GPBP1: variants seen among roughly 807,000 people sequenced by gnomAD.
The protein encoded by GPBP1 is GC-rich promoter binding protein 1.
Under a neutral mutation model 56.5 loss-of-function variants are expected in GPBP1, and 13 were observed. The ratio of observed to expected loss-of-function variants is 0.23; its 90% CI spans 0.15 to 0.37. The LOEUF (loss-of-function observed/expected upper bound fraction) is 0.37, where lower values mean the gene tolerates loss of function less well. Ranked by LOEUF, GPBP1 falls within the 10% of genes least tolerant of loss-of-function variation. GPBP1 has a pLI of 1.00. For synonymous variants in GPBP1, 204 were observed against 188.9 expected (o/e 1.08, Z -0.66); for missense variants, 477 against 572.3 (o/e 0.83, Z 1.70).
In GPBP1 at chr5:57,263,263, T is replaced by C. The variant is rs575828324; in HGVS notation, c.*511T>C. The C allele has an allele frequency of 1.3e-5, 2 of 152,584 alleles. No homozygotes were observed. Among genetic ancestry groups the C allele is most frequent in the South Asian group, 4.1e-4 (2 of 4,834 alleles). The allele number at this position is 152,584 out of a possible 1,614,324, so 9.5% of individuals were successfully genotyped here. A position where few individuals can be genotyped will look rare whatever the true frequency, so the allele number is the denominator to read the frequency against. On this transcript the variant is annotated 3_prime_UTR_variant, in exon 12 of 12. Coordinates refer to ENST00000506184, the MANE Select transcript of GPBP1 (RefSeq NM_022913.4). Reference sequence around the variant, plus strand: ...AAACCAAAAAGGAAAATGTAGCATGTTGGCTAAAACTGGAGCAAAGTGCAC... The same window carrying C: ...AAACCAAAAAGGAAAATGTAGCATGCTGGCTAAAACTGGAGCAAAGTGCAC...
intron 2 of GPBP1, among the ~76,000 whole-genome samples, chr5:57,178,410 A>G (rs976281865): frequency 6.6e-6 from 1 of 151,930 alleles, no homozygotes; most frequent in Non-Finnish European, 1.5e-5. Context: ...ACGCCCAGCT[A>G]ATTTTTTGTA....
chr5:57,229,968 G>GTCCCGTCCCT (rs928682604), intron 3 of GPBP1, among the ~76,000 whole-genome samples: 2 of 147,486 alleles, frequency 1.4e-5, no homozygotes, highest in African/African-American at 5.2e-5. Context: ...GTCCCGTCCC[G>GTCCCGTCCCT]TCCCTTCTCA....
In GPBP1 at chr5:57,199,524, C is replaced by A. The variant is rs764784163; in HGVS notation, c.-57-14550C>A. Among the ~76,000 whole-genome samples, 3 of 151,816 alleles carry A rather than the reference C, an allele frequency of 2.0e-5. No individual in the cohort carries two copies. In the South Asian group the frequency reaches 6.2e-4, roughly 32 times the overall value. On this transcript the variant is annotated intron_variant, in intron 2 of 11. Transcript: ENST00000506184. ...CCTTTAACACATTGCTACCAGATTT[C>A]TTTTCTTTTCTTTTTATATATATAT...
At chr5:57,216,679 C>CT (rs948350518) in intron 3 of GPBP1, among the ~76,000 whole-genome samples, 10 of 152,058 alleles carry the variant, frequency 6.6e-5, no homozygotes, top group African/African-American at 2.4e-4. Context: ...GAGTGAGACT[C>CT]TGTCTCAAAA....
At position 57,177,648 on chromosome 5, in the gene GPBP1, C is replaced by CTTTTTTTTT. The variant is rs58708281; in HGVS notation, c.-58+1270_-58+1278dup. Among the ~76,000 whole-genome samples, 32 of 92,236 alleles carry CTTTTTTTTT rather than the reference C, an allele frequency of 3.5e-4. 1 individual carries two copies. Among genetic ancestry groups the CTTTTTTTTT allele is most frequent in the African/African-American group, 4.7e-4 (10 of 21,138 alleles). 60.5% of individuals were successfully genotyped at this position (92,236 alleles called of 152,430 possible). A position where few individuals can be genotyped will look rare whatever the true frequency, so the allele number is the denominator to read the frequency against. On this transcript the variant is annotated intron_variant, in intron 2 of 11. Transcript: ENST00000506184. ...GCCACCACGCTCGGCCAATTTTTGC[C>CTTTTTTTTT]TTTTTTTTTTTTTTTTTTTTTTTTT...
At chr5:57,202,511 A>G (rs796797942) in intron 2 of GPBP1, among the ~76,000 whole-genome samples, 31 of 151,956 alleles carry the variant, frequency 2.0e-4, no homozygotes, top group African/African-American at 7.0e-4. Context: ...CTGGTCTCGA[A>G]CTCCTGACCT....
chr5:57,247,034 C>G (rs753475893), intron 7 of GPBP1, 41 bp from the exon 8 acceptor site: 3 of 1,570,134 alleles, frequency 1.9e-6, no homozygotes, highest in Non-Finnish European at 2.6e-6. Flanking sequence ...CTCCTGTAAC[C>G]TGTTTTTGAT....
intron 2 of GPBP1, among the ~76,000 whole-genome samples, chr5:57,189,694 T>C (rs1579981728): frequency 6.6e-6 from 1 of 152,368 alleles, no homozygotes; most frequent in East Asian, 1.9e-4. Flanking sequence ...CTTAAAACCC[T>C]TTAATGTCTT....
intron 3 of GPBP1, among the ~76,000 whole-genome samples, chr5:57,223,545 A>G (rs1306299764): frequency 6.6e-6 from 1 of 152,064 alleles, no homozygotes; most frequent in Non-Finnish European, 1.5e-5. Context: ...GCTCTCTACC[A>G]TCCACAGACA....
intron 6 of GPBP1, among the ~76,000 whole-genome samples, chr5:57,244,158 A>G (rs1010237331): frequency 2.0e-5 from 3 of 152,134 alleles, no homozygotes; most frequent in Non-Finnish European, 2.9e-5. Flanking sequence ...GCCTTCTACC[A>G]TATCTGGCAT....
chr5:57,223,223 C>T (rs556138436), intron 3 of GPBP1, among the ~76,000 whole-genome samples: 5 of 151,916 alleles, frequency 3.3e-5, no homozygotes, highest in African/African-American at 9.7e-5. Flanking sequence ...CCTGAGTAGC[C>T]GGGACTACAC....
At chr5:57,254,379 A>G (rs569952675) in intron 10 of GPBP1, among the ~76,000 whole-genome samples, 76 of 152,108 alleles carry the variant, frequency 5.0e-4, no homozygotes, top group African/African-American at 1.8e-3. Context: ...GGCTGTAACT[A>G]TTGTATGTGA....
intron 10 of GPBP1, 146 bp downstream of exon 10, chr5:57,251,287 A>G (rs770173255): frequency 9.0e-6 from 6 of 666,038 alleles, no homozygotes; most frequent in Non-Finnish European, 1.5e-5. Flanking sequence ...GGTTTTTAAT[A>G]TATTCAAAGT....
At chr5:57,238,123 C>T (rs567437132) in intron 6 of GPBP1, among the ~76,000 whole-genome samples, 1 of 152,246 alleles carries the variant, frequency 6.6e-6, no homozygotes, top group Admixed American at 6.5e-5. Flanking sequence ...AGTCCATCTC[C>T]ACGCTGTTAA....
At chr5:57,261,111 C>CATA in intron 10 of GPBP1, 69 bp from the exon 11 acceptor site, 1 of 958,628 alleles carries the variant, frequency 1.0e-6, no homozygotes, top group Non-Finnish European at 1.7e-6. Flanking sequence ...TTTTCTTATA[C>CATA]ATAATGTAAA....
At chr5:57,247,888 T>G (rs1222557513) in intron 8 of GPBP1, among the ~76,000 whole-genome samples, 1 of 151,934 alleles carries the variant, frequency 6.6e-6, no homozygotes, top group African/African-American at 2.4e-5. Flanking sequence ...GGACTACAGG[T>G]GCTTGCCACT....
intron 5 of GPBP1, among the ~76,000 whole-genome samples, chr5:57,235,656 T>C (rs1756631464): frequency 6.6e-6 from 1 of 152,244 alleles, no homozygotes; most frequent in Admixed American, 6.5e-5. Flanking sequence ...TAATACAGGC[T>C]GAATGTCCTT....
intron 10 of GPBP1, among the ~76,000 whole-genome samples, chr5:57,257,126 C>G (rs763089527): frequency 1.3e-5 from 2 of 151,734 alleles, no homozygotes; most frequent in East Asian, 3.9e-4. Flanking sequence ...CTCCACCTCC[C>G]GGGTTCAAGT....
chr5:57,246,646 A>C (rs1408875434), intron 7 of GPBP1, among the ~76,000 whole-genome samples, 162 bp downstream of exon 7: 1 of 151,966 alleles, frequency 6.6e-6, no homozygotes, highest in Non-Finnish European at 1.5e-5. Flanking sequence ...ATTATCTTTG[A>C]TGTGGTGTGT....
Sources: allele counts gnomAD v4.1 joint callset (sites outside exome capture counted in the v4.1 genomes callset), GRCh38; gene constraint gnomAD v4.1.1; transcripts MANE v1.5; gene names NCBI Gene and HGNC (gene_info 2026-07-23, HGNC 2026-07-21).